Variants in B3GLCT observed in about 807,000 individuals in gnomAD.
B3GLCT encodes the protein beta 3-glucosyltransferase.
B3GLCT carries 65 observed loss-of-function variants against 63.4 expected under a neutral mutation model. That is an observed-to-expected ratio of 1.03 (90% CI 0.84 to 1.26). B3GLCT has a LOEUF of 1.26. Among genes scored for constraint, B3GLCT ranks in the 50% most tolerant of loss-of-function variants. The pLI is 0.00. For missense variants in B3GLCT, 577 were observed against 604.8 expected, an observed-to-expected ratio of 0.95 and a Z score of 0.48; for synonymous variants, 233 against 219.2, an observed-to-expected ratio of 1.06 and a Z score of -0.55.
At chr13:31,255,922 A>G (rs929584491) in intron 6 of B3GLCT, among the ~76,000 whole-genome samples, 2 of 152,256 alleles carry the variant, frequency 1.3e-5, no homozygotes, top group Non-Finnish European at 2.9e-5. Context: ...AGCAATGGCA[A>G]CAAAAGCCAA....
chr13:31,292,693 TTCTC>T (rs557951375), intron 12 of B3GLCT, among the ~76,000 whole-genome samples: 50 of 96,092 alleles, frequency 5.2e-4, no homozygotes, highest in African/African-American at 1.3e-3. Flanking sequence ...TATTTTATTC[TTCTC>T]TCTTTTTTTT....
chr13:31,254,118 T>C (rs1040533568), intron 6 of B3GLCT, among the ~76,000 whole-genome samples: 1 of 152,184 alleles, frequency 6.6e-6, no homozygotes, highest in Admixed American at 6.5e-5. Flanking sequence ...GCTGGTACCA[T>C]TCCTTCTGAA....
intron 12 of B3GLCT, among the ~76,000 whole-genome samples, chr13:31,300,779 T>A (rs4941810): frequency 0.71 from 107,434 of 151,964 alleles, 38,861 homozygotes; most frequent in Middle Eastern, 0.8. Flanking sequence ...ATTGGGGAAG[T>A]GTCAAATCTT....
intron 1 of B3GLCT, among the ~76,000 whole-genome samples, chr13:31,200,654 C>T (rs1868609553): frequency 6.6e-6 from 1 of 151,884 alleles, no homozygotes; most frequent in South Asian, 2.1e-4. Context: ...CCTCGAGGCC[C>T]CGCGGCTCCT....
intron 1 of B3GLCT, among the ~76,000 whole-genome samples, chr13:31,204,478 C>G (rs1593241805): frequency 6.6e-6 from 1 of 152,214 alleles, no homozygotes; most frequent in Middle Eastern, 3.4e-3. Flanking sequence ...GAAAGGGAAG[C>G]AGAAATCAGG....
At chr13:31,227,831 T>C (rs1870176838) in intron 3 of B3GLCT, among the ~76,000 whole-genome samples, 1 of 152,254 alleles carries the variant, frequency 6.6e-6, no homozygotes, top group South Asian at 2.1e-4. Context: ...GAAAGATTCA[T>C]GGTGGGGGAA....
At chr13:31,234,468 G>C (rs750676662) in intron 4 of B3GLCT, among the ~76,000 whole-genome samples, 11 of 152,200 alleles carry the variant, frequency 7.2e-5, no homozygotes, top group Admixed American at 7.2e-4. Flanking sequence ...GCTGAGCCTG[G>C]AACTGAGCCT....
Position 31,260,874 on chromosome 13 carries a change from T to C in B3GLCT, c.460-72T>C, listed in dbSNP as rs73172886. The C allele has an allele frequency of 0.052, 72,602 of 1,400,130 alleles. 2,150 individuals carry two copies. The highest frequency in any genetic ancestry group is 0.059 in the Non-Finnish European group (57,904 of 988,500). 86.7% of individuals were successfully genotyped at this position (1,400,130 alleles called of 1,614,324 possible). A position where few individuals can be genotyped will look rare whatever the true frequency, so the allele number is the denominator to read the frequency against. On this transcript the variant is annotated intron_variant, in intron 6 of 14. Coordinates refer to ENST00000343307, the MANE Select transcript of B3GLCT (RefSeq NM_194318.4). ...AAAATATTTAATTATCTGAAACCAA[T>C]AGTACCACCTTCTATTGGTCTTACA...
At chr13:31,213,156 A>G (rs1485003620) in intron 1 of B3GLCT, among the ~76,000 whole-genome samples, 1 of 152,214 alleles carries the variant, frequency 6.6e-6, no homozygotes, top group Non-Finnish European at 1.5e-5. Flanking sequence ...TGCCTGGTAT[A>G]GAGAGCAGGT....
intron 6 of B3GLCT, 148 bp downstream of exon 6, chr13:31,248,114 T>A (rs537415690): frequency 1.6e-6 from 1 of 611,018 alleles, no homozygotes; most frequent in South Asian, 1.9e-5. Context: ...CTGAGATATG[T>A]TAAGTAATGC....
chr13:31,228,555 T>C (rs561048817), intron 3 of B3GLCT, among the ~76,000 whole-genome samples: 1 of 152,352 alleles, frequency 6.6e-6, no homozygotes, highest in South Asian at 2.1e-4. Context: ...GTCTTTGGCT[T>C]GTAGATGGCT....
At chr13:31,246,799 G>C (rs890380993) in intron 4 of B3GLCT, among the ~76,000 whole-genome samples, 2 of 152,056 alleles carry the variant, frequency 1.3e-5, no homozygotes, top group African/African-American at 4.8e-5. Flanking sequence ...TGTAGAGGTT[G>C]CATGGATTCA....
rs150767723 is a variant in B3GLCT, at chr13:31,310,175, C to T, written c.1065-7391C>T. 2.4e-3 allele frequency among the ~76,000 whole-genome samples: 368 copies of T among 152,242 alleles called. 3 individuals are homozygous for T. The highest frequency in any genetic ancestry group is 5.0e-3 in the East Asian group (26 of 5,168). On this transcript the variant is annotated intron_variant, in intron 12 of 14. Coordinates refer to ENST00000343307, the MANE Select transcript of B3GLCT (RefSeq NM_194318.4). ...TATGGACCAGTCAGCACACACTCCC[C>T]GATCCTGAGCCCATAAAAACCCCAG...
chr13:31,245,365 T>C (rs559587172), intron 4 of B3GLCT, among the ~76,000 whole-genome samples: 33 of 152,302 alleles, frequency 2.2e-4, no homozygotes, highest in African/African-American at 7.7e-4. Context: ...ATTTTTGAGG[T>C]GCATTCATTT....
At chr13:31,281,304 T>G (rs773776868) in intron 10 of B3GLCT, among the ~76,000 whole-genome samples, 7 of 152,184 alleles carry the variant, frequency 4.6e-5, no homozygotes, top group African/African-American at 1.7e-4. Flanking sequence ...AAAAACCTGT[T>G]TGCTGTCTTT....
rs1264023990 is a variant in B3GLCT at position 31,330,766 on chromosome 13, C to T, written c.*1098C>T. 6.6e-6 allele frequency: 1 copy of T among 151,864 alleles called. No homozygotes were observed. The highest frequency in any genetic ancestry group is 1.5e-5 in the Non-Finnish European group (1 of 67,994). The allele number at this position is 151,864 out of a possible 1,614,324, so 9.4% of individuals were successfully genotyped here. On this transcript the variant is annotated 3_prime_UTR_variant, in exon 15 of 15. Transcript: ENST00000343307. ...TAAAAAGCACTCTAATTATATAATTCAGTTTTTGTAAAGGTATTTGCATAA... is the reference window on the plus strand; with the variant it reads ...TAAAAAGCACTCTAATTATATAATTTAGTTTTTGTAAAGGTATTTGCATAA...
chr13:31,279,499 C>G (rs1872957536), intron 10 of B3GLCT, among the ~76,000 whole-genome samples: 1 of 152,050 alleles, frequency 6.6e-6, no homozygotes, highest in Non-Finnish European at 1.5e-5. Flanking sequence ...AGCCGTAAAA[C>G]CAGCAAGTTT....
Position 31,329,580 on chromosome 13 carries a change from C to T in B3GLCT, c.1409C>T (p.Pro470Leu), listed in dbSNP as rs1429334105. The T allele has an allele frequency of 4.3e-6, 7 of 1,614,084 alleles. No homozygotes were observed. The highest frequency in any genetic ancestry group is 5.9e-6 in the Non-Finnish European group (7 of 1,180,030). The change falls in exon 15 of 15, where the codon CCA becomes CTA. Residue 470 changes from proline (P) to leucine (L), a missense_variant. Physicochemically the swap from Pro to Leu is moderately conservative, Grantham distance 98. Transcript: ENST00000343307. The stretch of plus-strand genomic sequence containing the variant: ...TTCCACAAACACTGGAACATCGATC[C>T]AGTGAAGGTGTATTTCACATGGTTG... ...ISFHKHWNID[P>L]VKVYFTWLAP...
At chr13:31,230,850 A>G (rs539108582) in intron 4 of B3GLCT, among the ~76,000 whole-genome samples, 12 of 152,018 alleles carry the variant, frequency 7.9e-5, no homozygotes, top group African/African-American at 2.4e-4. Context: ...TCTACTAAAA[A>G]TATAAAAATT....
Sources: allele counts gnomAD v4.1 joint callset (sites outside exome capture counted in the v4.1 genomes callset), GRCh38; gene constraint gnomAD v4.1.1; transcripts MANE v1.5; gene names NCBI Gene and HGNC (gene_info 2026-07-23, HGNC 2026-07-21).